LHFPL3: variants seen among roughly 807,000 people sequenced by gnomAD.
LHFPL3 encodes LHFPL tetraspan subfamily member 3.
LHFPL3 carries 5 observed loss-of-function variants against 19.3 expected under a neutral mutation model. The ratio of observed to expected loss-of-function variants is 0.26; its 90% CI spans 0.14 to 0.54. The LOEUF is 0.54. LHFPL3 is among the 20% of genes least tolerant of loss of function. The pLI, the probability that LHFPL3 is intolerant of heterozygous loss-of-function variation, is 0.94. For missense variants in LHFPL3, 249 were observed against 307.4 expected, an observed-to-expected ratio of 0.81 and a Z score of 1.42; for synonymous variants, 133 against 126.2, an observed-to-expected ratio of 1.05 and a Z score of -0.36.
intron 1 of LHFPL3, among the ~76,000 whole-genome samples, chr7:104,376,410 A>G (rs773842195): frequency 1.3e-5 from 2 of 152,246 alleles, no homozygotes; most frequent in Admixed American, 6.5e-5. Flanking sequence ...TCAGTGTGTC[A>G]TAAAATGCCA....
chr7:104,336,069 C>T (rs1789802312), intron 1 of LHFPL3, among the ~76,000 whole-genome samples: 2 of 152,188 alleles, frequency 1.3e-5, no homozygotes, highest in East Asian at 3.9e-4. Context: ...GTGTAATTTC[C>T]ATAATGTATT....
intron 1 of LHFPL3, among the ~76,000 whole-genome samples, chr7:104,362,059 G>C (rs1056783050): frequency 2.0e-5 from 3 of 152,222 alleles, no homozygotes; most frequent in Admixed American, 2.0e-4. Flanking sequence ...CCTCTTCCCT[G>C]CTAGGTCTTC....
intron 1 of LHFPL3, among the ~76,000 whole-genome samples, chr7:104,538,193 C>T (rs1794422729): frequency 1.3e-5 from 2 of 152,260 alleles, no homozygotes; most frequent in South Asian, 2.1e-4. Flanking sequence ...CAAAAATAGC[C>T]CCTTCTATTC....
intron 2 of LHFPL3, chr7:104,757,728 A>C (rs1794311245): frequency 6.6e-6 from 1 of 152,534 alleles, no homozygotes. Flanking sequence ...CTGTGGAGAA[A>C]AAGGAACACT....
intron 1 of LHFPL3, among the ~76,000 whole-genome samples, chr7:104,714,931 A>G (rs761247626): frequency 6.6e-6 from 1 of 152,202 alleles, no homozygotes; most frequent in Non-Finnish European, 1.5e-5. Context: ...ATATATACAC[A>G]TATATACATA....
At chr7:104,896,913 C>T (rs1792374174) in intron 2 of LHFPL3, among the ~76,000 whole-genome samples, 1 of 152,040 alleles carries the variant, frequency 6.6e-6, no homozygotes, top group South Asian at 2.1e-4. Flanking sequence ...TGATGAAACC[C>T]CATCTCTACT....
At chr7:104,460,768 A>G (rs1039150721) in intron 1 of LHFPL3, among the ~76,000 whole-genome samples, 1 of 152,172 alleles carries the variant, frequency 6.6e-6, no homozygotes, top group East Asian at 1.9e-4. Flanking sequence ...CATAGTTTGC[A>G]AAAATTTTCT....
At chr7:104,724,222 G>A (rs1321361697) in intron 1 of LHFPL3, among the ~76,000 whole-genome samples, 3 of 152,024 alleles carry the variant, frequency 2.0e-5, no homozygotes, top group East Asian at 3.8e-4. Flanking sequence ...GCATTAATGT[G>A]GAATATAATA....
At position 104,907,626 on chromosome 7, in the gene LHFPL3, C is replaced by G. The variant is rs1184661683; in HGVS notation, c.*1411C>G. Among the ~76,000 whole-genome samples the G allele has an allele frequency of 2.0e-5, 3 of 152,154 alleles. No homozygotes were observed. The highest frequency in any genetic ancestry group is 7.2e-5 in the African/African-American group (3 of 41,430). The stretch of plus-strand genomic sequence containing the variant: ...GCAAGGGTACTTAATGGAAGCCAAA[C>G]CATGTTCTATACCTAAGGAGAAAAC... On this transcript the variant is annotated 3_prime_UTR_variant, in exon 3 of 3. Transcript: ENST00000424859.
intron 2 of LHFPL3, among the ~76,000 whole-genome samples, chr7:104,867,246 T>G (rs913602579): frequency 3.9e-5 from 6 of 152,030 alleles, no homozygotes; most frequent in African/African-American, 1.4e-4. Context: ...GTCAAGGAGA[T>G]AGAGACACAA....
rs57028058 is a variant in LHFPL3 at position 104,585,480 on chromosome 7, AACACACAC to A, written c.446-151160_446-151153del. Reference sequence around the variant, plus strand: ...AAAGTGGAATAAGGCAACACACACAAACACACACACACACACACACACACACACACACA... The same window carrying A: ...AAAGTGGAATAAGGCAACACACACAAACACACACACACACACACACACACA... On this transcript the variant is annotated intron_variant, in intron 1 of 2. Transcript: ENST00000424859. Among the ~76,000 whole-genome samples, 160 of 123,454 alleles carry A rather than the reference AACACACAC, an allele frequency of 1.3e-3. 1 individual carries two copies. The highest frequency in any genetic ancestry group is 2.8e-3 in the African/African-American group (94 of 33,066). 81.0% of individuals were successfully genotyped at this position (123,454 alleles called of 152,430 possible). A position where few individuals can be genotyped will look rare whatever the true frequency, so the allele number is the denominator to read the frequency against.
intron 2 of LHFPL3, among the ~76,000 whole-genome samples, chr7:104,880,563 A>G (rs1584594942): frequency 6.6e-6 from 1 of 151,950 alleles, no homozygotes; most frequent in African/African-American, 2.4e-5. Flanking sequence ...TTCTAAATCT[A>G]CTCTGCCTGA....
At chr7:104,840,308 CTTTTT>C (rs67980957) in intron 2 of LHFPL3, among the ~76,000 whole-genome samples, 20 of 118,376 alleles carry the variant, frequency 1.7e-4, no homozygotes, top group Non-Finnish European at 2.8e-4. Flanking sequence ...TGTGGGTTTT[CTTTTT>C]TTTTTTTTTT....
chr7:104,520,271 C>G (rs546275791), intron 1 of LHFPL3, among the ~76,000 whole-genome samples: 4 of 151,282 alleles, frequency 2.6e-5, no homozygotes, highest in Non-Finnish European at 5.9e-5. Flanking sequence ...GTATATTGAA[C>G]CAGCCTTGCA....
intron 1 of LHFPL3, among the ~76,000 whole-genome samples, chr7:104,340,614 G>A (rs1308619605): frequency 6.6e-6 from 1 of 152,108 alleles, no homozygotes; most frequent in Non-Finnish European, 1.5e-5. Context: ...CCTAATGAAG[G>A]CAATTGAGTG....
intron 2 of LHFPL3, chr7:104,798,498 T>C (rs2116467072): frequency 6.6e-6 from 1 of 152,332 alleles, no homozygotes; most frequent in South Asian, 2.1e-4. Flanking sequence ...AAGTTATCAC[T>C]AATTGAAATG....
At chr7:104,617,612 T>TGG (rs1179521182) in intron 1 of LHFPL3, among the ~76,000 whole-genome samples, 2 of 152,222 alleles carry the variant, frequency 1.3e-5, no homozygotes, top group African/African-American at 4.8e-5. Flanking sequence ...GTTCAGATAT[T>TGG]TCCAGATGCC....
At chr7:104,762,845 T>C (rs1003295568) in intron 2 of LHFPL3, among the ~76,000 whole-genome samples, 1 of 152,196 alleles carries the variant, frequency 6.6e-6, no homozygotes, top group African/African-American at 2.4e-5. Context: ...ATGACTCAAA[T>C]TCTATGCTCT....
intron 1 of LHFPL3, among the ~76,000 whole-genome samples, chr7:104,557,691 A>C (rs1023774011): frequency 1.3e-5 from 2 of 151,234 alleles, no homozygotes; most frequent in African/African-American, 4.9e-5. Context: ...TTTATTTTTT[A>C]TTATACTTTA....
Sources: allele counts gnomAD v4.1 joint callset (sites outside exome capture counted in the v4.1 genomes callset), GRCh38; gene constraint gnomAD v4.1.1; transcripts MANE v1.5; gene names NCBI Gene and HGNC (gene_info 2026-07-23, HGNC 2026-07-21).